Variants in CACNA1E observed in about 807,000 individuals in gnomAD.
CACNA1E encodes the protein voltage-dependent R-type calcium channel subunit alpha-1E.
CACNA1E carries 40 observed loss-of-function variants against 259.2 expected under a neutral mutation model. The ratio of observed to expected loss-of-function variants is 0.15; its 90% confidence interval spans 0.12 to 0.20. The LOEUF (loss-of-function observed/expected upper bound fraction) is 0.20, where lower values mean the gene tolerates loss of function less well. CACNA1E is among the 10% of genes least tolerant of loss of function. CACNA1E has a pLI of 1.00. For synonymous variants in CACNA1E, 1,104 were observed against 1,138.5 expected, an observed-to-expected ratio of 0.97 and a Z score of 0.61; for missense variants, 1,874 against 3,040.1, an observed-to-expected ratio of 0.62 and a Z score of 9.02.
intron 2 of CACNA1E, among the ~76,000 whole-genome samples, chr1:181,428,431 G>A (rs1289378592): frequency 2.0e-5 from 3 of 152,214 alleles, no homozygotes. Flanking sequence ...ATCCGGCACA[G>A]AGTGGAGAGC....
intron 7 of CACNA1E, among the ~76,000 whole-genome samples, chr1:181,690,695 C>T (rs1000652208): frequency 4.6e-5 from 7 of 152,034 alleles, no homozygotes; most frequent in African/African-American, 1.7e-4. Flanking sequence ...CCTTCACATC[C>T]CTTGTAAGTT....
intron 1 of CACNA1E, among the ~76,000 whole-genome samples, chr1:181,382,137 C>T (rs1439137327): frequency 1.3e-5 from 2 of 152,246 alleles, no homozygotes; most frequent in East Asian, 1.9e-4. Context: ...AAATGGTGCC[C>T]TTTGAGCTGA....
chr1:181,597,321 G>A (rs1653282878), intron 6 of CACNA1E, among the ~76,000 whole-genome samples: 1 of 152,162 alleles, frequency 6.6e-6, no homozygotes, highest in African/African-American at 2.4e-5. Flanking sequence ...TATTGTCAAA[G>A]TCATCTTGTT....
chr1:181,590,401 CAAAA>C (rs397861970), intron 6 of CACNA1E, among the ~76,000 whole-genome samples: 4 of 118,622 alleles, frequency 3.4e-5, no homozygotes, highest in East Asian at 2.6e-4. Flanking sequence ...GAGTCAATTA[CAAAA>C]AAAAAAAAAA....
intron 6 of CACNA1E, among the ~76,000 whole-genome samples, chr1:181,617,204 G>C (rs1655298144): frequency 6.6e-6 from 1 of 151,440 alleles, no homozygotes; most frequent in African/African-American, 2.4e-5. Flanking sequence ...TTCTAAATTT[G>C]AGGGGTTTAA....
chr1:181,385,772 T>C (rs73042272), intron 1 of CACNA1E, among the ~76,000 whole-genome samples: 10,517 of 151,104 alleles, frequency 0.07, 1,122 homozygotes, highest in African/African-American at 0.23. Context: ...CCTCTCTTAC[T>C]TCCCTCCCTC....
chr1:181,630,387 C>T (rs1476126500), intron 6 of CACNA1E, among the ~76,000 whole-genome samples: 1 of 149,202 alleles, frequency 6.7e-6, no homozygotes, highest in Non-Finnish European at 1.5e-5. Context: ...TTAACATGCC[C>T]CCCCACCCCG....
intron 2 of CACNA1E, among the ~76,000 whole-genome samples, chr1:181,464,930 A>G (rs1558024748): frequency 6.6e-6 from 1 of 152,044 alleles, no homozygotes; most frequent in Non-Finnish European, 1.5e-5. Flanking sequence ...TAAATTAGAC[A>G]TTATATATAT....
At chr1:181,771,758 G>T in intron 36 of CACNA1E, 1 of 472,362 alleles carries the variant, frequency 2.1e-6, no homozygotes, top group Non-Finnish European at 3.8e-6. Context: ...AGTGTTTGCA[G>T]ACCAAATTCC....
intron 13 of CACNA1E, 79 bp from the exon 14 acceptor site, chr1:181,720,127 C>G (rs1654288203): frequency 6.6e-7 from 1 of 1,511,420 alleles, no homozygotes; most frequent in Non-Finnish European, 9.1e-7. Flanking sequence ...TCATAGACTA[C>G]CAGGCATATG....
intron 25 of CACNA1E, among the ~76,000 whole-genome samples, chr1:181,745,013 C>G (rs189610542): frequency 2.6e-4 from 40 of 152,260 alleles, no homozygotes; most frequent in Middle Eastern, 3.4e-3. Flanking sequence ...TGTGCCCAGA[C>G]AAGGACACTA....
At chr1:181,725,175 G>T (rs1171000246) in intron 17 of CACNA1E, among the ~76,000 whole-genome samples, 2 of 152,238 alleles carry the variant, frequency 1.3e-5, no homozygotes, top group African/African-American at 4.8e-5. Flanking sequence ...GGGCAGAGGT[G>T]CATAGCATCC....
rs184923807 is a variant in CACNA1E, at chr1:181,330,326, C to A, written c.-15+12203C>A. On this transcript the variant is annotated intron_variant, in intron 1 of 11. Coordinates refer to the CACNA1E transcript ENST00000524607. ...CCCTGCCATGGCCACCTCCCCCCAG[C>A]CCCCTCTCCCCTTCTTCTCTGCCTG... Among the ~76,000 whole-genome samples, 242 of 152,194 alleles carry A rather than the reference C, an allele frequency of 1.6e-3. 1 individual carries two copies. The highest frequency in any genetic ancestry group is 5.4e-3 in the African/African-American group (226 of 41,524).
At chr1:181,687,764 A>G (rs893110479) in intron 7 of CACNA1E, among the ~76,000 whole-genome samples, 3 of 152,164 alleles carry the variant, frequency 2.0e-5, no homozygotes, top group South Asian at 2.1e-4. Context: ...CCATATATAT[A>G]TTTTATTTTT....
intron 7 of CACNA1E, among the ~76,000 whole-genome samples, chr1:181,652,957 T>C (rs532581973): frequency 9.2e-5 from 14 of 151,964 alleles, no homozygotes; most frequent in African/African-American, 2.7e-4. Context: ...CTTAAAAACA[T>C]AGCAGTCTGG....
chr1:181,678,478 G>C (rs1245680062), intron 7 of CACNA1E, among the ~76,000 whole-genome samples: 1 of 152,150 alleles, frequency 6.6e-6, no homozygotes, highest in Non-Finnish European at 1.5e-5. Context: ...AGTGTTAACC[G>C]CCTGTTAGAA....
chr1:181,681,428 T>G (rs1368809493), intron 7 of CACNA1E, among the ~76,000 whole-genome samples: 1 of 152,226 alleles, frequency 6.6e-6, no homozygotes, highest in African/African-American at 2.4e-5. Flanking sequence ...GCAAATTCCC[T>G]TTTATTCTGT....
At chr1:181,598,437 G>A (rs1265361497) in intron 6 of CACNA1E, among the ~76,000 whole-genome samples, 1 of 152,158 alleles carries the variant, frequency 6.6e-6, no homozygotes, top group African/African-American at 2.4e-5. Flanking sequence ...AATTTCACCA[G>A]GGGGAGAAGG....
At chr1:181,545,133 C>T (rs1647308863) in intron 3 of CACNA1E, among the ~76,000 whole-genome samples, 1 of 151,974 alleles carries the variant, frequency 6.6e-6, no homozygotes, top group Non-Finnish European at 1.5e-5. Context: ...TGGGGGTGTA[C>T]ATAAATAAGC....
Sources: allele counts gnomAD v4.1 joint callset (sites outside exome capture counted in the v4.1 genomes callset), GRCh38; gene constraint gnomAD v4.1.1; transcripts MANE v1.5; gene names NCBI Gene and HGNC (gene_info 2026-07-23, HGNC 2026-07-21).